Variants in HTN3 observed in about 807,000 individuals in gnomAD.
The protein encoded by HTN3 is histatin 3.
In HTN3, 15 loss-of-function variants were observed where a neutral mutation model predicts 10.6. The ratio of observed to expected loss-of-function variants is 1.42; its 90% CI spans 0.95 to 2.18. The LOEUF is 2.18. Among genes scored for constraint, HTN3 ranks in the 30% most tolerant of loss-of-function variants. HTN3 has a pLI of 0.00. For missense variants in HTN3, 68 were observed against 58.0 expected (o/e 1.17, Z -0.56); for synonymous variants, 15 against 16.9 (o/e 0.89, Z 0.27).
At chr4:70,030,642 T>G (rs1373514857) in intron 1 of HTN3, 86 bp from the exon 2 acceptor site, 1 of 925,438 alleles carries the variant, frequency 1.1e-6, no homozygotes, top group African/African-American at 1.6e-5. Flanking sequence ...CTCCCAATGC[T>G]TTGAAGCATA....
intron 5 of HTN3, among the ~76,000 whole-genome samples, chr4:70,035,406 G>A (rs1198369309): frequency 3.9e-5 from 6 of 152,302 alleles, no homozygotes; most frequent in African/African-American, 1.4e-4. Flanking sequence ...TTATAGGGAA[G>A]CCCTTGTTCT....
chr4:70,031,919 C>A, intron 2 of HTN3, 60 bp from the exon 3 acceptor site: 1 of 1,187,384 alleles, frequency 8.4e-7, no homozygotes, highest in Non-Finnish European at 1.2e-6. Context: ...AATTTTTACA[C>A]ATATTCTTGA....
intron 5 of HTN3, 138 bp from the exon 6 acceptor site, chr4:70,036,129 T>A (rs1042416799): frequency 3.3e-5 from 5 of 152,214 alleles, no homozygotes; most frequent in African/African-American, 1.2e-4. Flanking sequence ...GTCTACTCTG[T>A]CTCAAATATT....
rs150917967 is a variant in HTN3, at chr4:70,030,586, A to G, written c.-13-142A>G. 323 of 635,720 alleles carry G rather than the reference A, an allele frequency of 5.1e-4. 2 individuals carry two copies. Among genetic ancestry groups the G allele is most frequent in the Admixed American group, 7.6e-4 (29 of 37,978 alleles). 39.4% of individuals were successfully genotyped at this position (635,720 alleles called of 1,614,324 possible). ...AGCCCAGGTGGTCCAGGATGCAGTGATCTGTGCTCATGCCCCTGCACTCCA... is the reference window on the plus strand; with the variant it reads ...AGCCCAGGTGGTCCAGGATGCAGTGGTCTGTGCTCATGCCCCTGCACTCCA... On this transcript the variant is annotated intron_variant, in intron 1 of 5. Coordinates refer to ENST00000673563, the MANE Select transcript of HTN3 (RefSeq NM_000200.3).
At chr4:70,029,639 T>G (rs1348776327) in intron 1 of HTN3, among the ~76,000 whole-genome samples, 2 of 152,172 alleles carry the variant, frequency 1.3e-5, no homozygotes, top group Non-Finnish European at 2.9e-5. Flanking sequence ...GTAATTGTAT[T>G]TTCCAGTGGA....
At chr4:70,030,223 G>T (rs1400677225) in intron 1 of HTN3, among the ~76,000 whole-genome samples, 5 of 151,968 alleles carry the variant, frequency 3.3e-5, no homozygotes, top group African/African-American at 1.2e-4. Flanking sequence ...ACTCAAGCTT[G>T]CCTTTCTTTG....
intron 5 of HTN3, among the ~76,000 whole-genome samples, chr4:70,033,704 A>G (rs1428546729): frequency 6.6e-6 from 1 of 152,176 alleles, no homozygotes; most frequent in Admixed American, 6.5e-5. Flanking sequence ...TTTGGGCAGT[A>G]AGGCCATTTT....
At chr4:70,033,133 C>G in intron 4 of HTN3, 34 bp from the exon 5 acceptor site, 1 of 1,538,812 alleles carries the variant, frequency 6.5e-7, no homozygotes, top group South Asian at 1.2e-5. Flanking sequence ...CCTCTATTCT[C>G]TGCAATTTGC....
Position 70,033,206 on chromosome 4 carries a change from C to G in HTN3, c.142C>G (p.Leu48Val). ...HSHRGYRSNYLYDN is the reference protein window; with the variant it reads ...HSHRGYRSNYVYDN ...ACATCGAGGCTATAGATCAAATTAT[C>G]TGTATGACAATTGATATCTTCAGTA... The change falls in exon 5 of 6, where the codon CTG becomes GTG. Residue 48 changes from leucine to valine, a missense_variant. Coordinates refer to ENST00000673563, the MANE Select transcript of HTN3 (RefSeq NM_000200.3). 6.3e-7 allele frequency: 1 copy of G among 1,598,672 alleles called. No individual in the cohort carries two copies. The highest frequency in any genetic ancestry group is 1.1e-5 in the South Asian group (1 of 89,208).
chr4:70,030,487 C>T (rs1000103488), intron 1 of HTN3, among the ~76,000 whole-genome samples: 2 of 152,038 alleles, frequency 1.3e-5, no homozygotes, highest in African/African-American at 4.8e-5. Context: ...AACAAATTAG[C>T]TTGTCATGGT....
At chr4:70,032,217 C>T in intron 4 of HTN3, 110 bp downstream of exon 4, 1 of 771,338 alleles carries the variant, frequency 1.3e-6, no homozygotes, top group South Asian at 1.7e-5. Flanking sequence ...TCATTAATTG[C>T]TAAAGTGTAC....
intron 5 of HTN3, among the ~76,000 whole-genome samples, chr4:70,035,368 A>G (rs1339929574): frequency 6.6e-6 from 1 of 152,176 alleles, no homozygotes; most frequent in Non-Finnish European, 1.5e-5. Context: ...TAAGCTCTTT[A>G]TAGAATTTGT....
In HTN3 at chr4:70,036,376, T is replaced by TA. The variant is rs1408312835; in HGVS notation, c.*144dup. 1 of 152,180 alleles carries TA rather than the reference T, an allele frequency of 6.6e-6. No homozygotes were observed. The highest frequency in any genetic ancestry group is 1.5e-5 in the Non-Finnish European group (1 of 68,030). The allele number at this position is 152,180 out of a possible 1,614,324, so 9.4% of individuals were successfully genotyped here. ...ATAAGGCAATGCAGAATAAAAGAAATACCATGATTTAGTGAATTCTGTGTT... is the reference window on the plus strand; with the variant it reads ...ATAAGGCAATGCAGAATAAAAGAAATAACCATGATTTAGTGAATTCTGTGTT... On this transcript the variant is annotated 3_prime_UTR_variant, in exon 6 of 6. Transcript: ENST00000673563.
intron 2 of HTN3, among the ~76,000 whole-genome samples, 153 bp from the exon 3 acceptor site, chr4:70,031,826 G>A (rs1038339213): frequency 6.6e-6 from 1 of 151,944 alleles, no homozygotes; most frequent in African/African-American, 2.4e-5. Context: ...TTTTAAAGAT[G>A]TCATAAAGCT....
chr4:70,032,064 T>G lies in HTN3; in HGVS notation c.73-14T>G, dbSNP rs539815223. ...CATATATTGAATTTTTAATCTTTTCTTTTTATTTCATAGAGACATCATGGG... is the reference window on the plus strand; with the variant it reads ...CATATATTGAATTTTTAATCTTTTCGTTTTATTTCATAGAGACATCATGGG... On this transcript the variant is annotated splice_polypyrimidine_tract_variant and intron_variant, in intron 3 of 5. Coordinates refer to ENST00000673563, the MANE Select transcript of HTN3 (RefSeq NM_000200.3). 6.5e-7 allele frequency: 1 copy of G among 1,536,080 alleles called. No individual in the cohort carries two copies. Among genetic ancestry groups the G allele is most frequent in the Admixed American group, 1.7e-5 (1 of 58,822 alleles).
chr4:70,034,021 G>A (rs1425152164), intron 5 of HTN3: 1 of 151,816 alleles, frequency 6.6e-6, no homozygotes, highest in East Asian at 1.9e-4. Context: ...AACTGAAACT[G>A]GACCCCTTCC....
intron 5 of HTN3, among the ~76,000 whole-genome samples, chr4:70,035,272 GACA>G (rs1417364002): frequency 1.8e-4 from 28 of 152,174 alleles, no homozygotes; most frequent in African/African-American, 6.5e-4. Flanking sequence ...TCCTGACCCT[GACA>G]ACTAGTTTCA....
In HTN3 at chr4:70,030,894, A is replaced by T. The variant is rs973045281; in HGVS notation, c.51+103A>T. On this transcript the variant is annotated intron_variant, in intron 2 of 5. Coordinates refer to ENST00000673563, the MANE Select transcript of HTN3 (RefSeq NM_000200.3). ...CATATATTCATGTTCACCTCAATAC[A>T]GCTTTAATATTTCTATGTAAAGATT... The T allele has an allele frequency of 3.5e-5, 30 of 848,242 alleles. No homozygotes were observed. The African/African-American group carries it at 4.8e-4, about 14-fold the overall frequency. The allele number at this position is 848,242 out of a possible 1,614,324, so 52.5% of individuals were successfully genotyped here. A position where few individuals can be genotyped will look rare whatever the true frequency, so the allele number is the denominator to read the frequency against.
In HTN3 at chr4:70,028,525, T is replaced by A. The variant is rs1448827292; in HGVS notation, c.-14+9T>A. On this transcript the variant is annotated intron_variant, in intron 1 of 5. Transcript: ENST00000673563. ...CTCCTCTTGAGTAAAAGGTAACATG[T>A]TCAAGTACAATCTAATATTATATAT... The A allele has an allele frequency of 6.6e-6, 1 of 152,148 alleles. No homozygotes were observed. Among genetic ancestry groups the A allele is most frequent in the Non-Finnish European group, 1.5e-5 (1 of 68,020 alleles). 9.4% of individuals were successfully genotyped at this position (152,148 alleles called of 1,614,324 possible).
Sources: gnomAD v4.1 joint callset for allele counts (sites outside exome capture counted in the v4.1 genomes callset) on GRCh38, gnomAD v4.1.1 for gene constraint, MANE v1.5 for transcripts, NCBI Gene and HGNC (gene_info 2026-07-23, HGNC 2026-07-21) for gene names.